MTRR: variants seen among roughly 807,000 people sequenced by gnomAD.
MTRR encodes 5-methyltetrahydrofolate-homocysteine methyltransferase reductase.
In MTRR, 63 loss-of-function variants were observed where a neutral mutation model predicts 79.2. The ratio of observed to expected loss-of-function variants is 0.80; its 90% CI spans 0.65 to 0.98. The LOEUF is 0.98. Ranked by LOEUF, MTRR falls within the 50% of genes least tolerant of loss-of-function variation. MTRR has a pLI of 0.00. For synonymous variants in MTRR, 355 were observed against 313.3 expected (o/e 1.13, Z -1.41); for missense variants, 895 against 839.6 (o/e 1.07, Z -0.82).
chr5:7,851,209 C>A, exon 1 of MTRR: 1 of 562,248 alleles, frequency 1.8e-6, no homozygotes, highest in Non-Finnish European at 2.6e-6. Flanking sequence ...CAGGGTGGAG[C>A]GACCCTCCCC....
intron 8 of MTRR, among the ~76,000 whole-genome samples, chr5:7,887,020 A>G (rs1736602649): frequency 6.6e-6 from 1 of 152,132 alleles, no homozygotes; most frequent in African/African-American, 2.4e-5. Context: ...TTCCACAGTG[A>G]TGGAGGTGAC....
chr5:7,891,974 G>A (rs1007819150), intron 10 of MTRR, among the ~76,000 whole-genome samples: 3 of 152,030 alleles, frequency 2.0e-5, no homozygotes, highest in Admixed American at 6.6e-5. Context: ...CCCGGGAGGC[G>A]GAGCTTGCAG....
rs1025032500 is a variant in MTRR at position 7,873,524 on chromosome 5, T to C, written c.281T>C (p.Leu94Pro). The change falls in exon 3 of 15, where the codon CTG (leucine) becomes CCG (proline). Residue 94 changes from leucine (L) to proline (P), a missense_variant and splice_region_variant. Coordinates refer to ENST00000440940, the MANE Select transcript of MTRR (RefSeq NM_002454.3). ...TTTGCTCACCTGCGGTATGGGTTAC[T>C]GGGTAATGGACTCTCTCTTCTGATC... ...DFFAHLRYGLLGLGDSEYTYF... is the reference protein window; with the variant it reads ...DFFAHLRYGLPGLGDSEYTYF... The C allele has an allele frequency of 1.2e-6, 2 of 1,614,162 alleles. No individual in the cohort carries two copies. Among genetic ancestry groups the C allele is most frequent in the Non-Finnish European group, 1.7e-6 (2 of 1,179,992 alleles).
chr5:7,852,292 G>A (rs1432906707), intron 1 of MTRR, among the ~76,000 whole-genome samples: 1 of 152,170 alleles, frequency 6.6e-6, no homozygotes, highest in Non-Finnish European at 1.5e-5. Context: ...GAGGCACCTG[G>A]TGATCCACTC....
chr5:7,900,372 C>T lies in MTRR; in HGVS notation c.*314C>T, dbSNP rs571861371. 6.3e-6 allele frequency: 2 copies of T among 319,576 alleles called. No homozygotes were observed. The highest frequency in any genetic ancestry group is 4.8e-5 in the Admixed American group (1 of 21,048). 19.8% of individuals were successfully genotyped at this position (319,576 alleles called of 1,614,324 possible). On this transcript the variant is annotated 3_prime_UTR_variant, in exon 15 of 15. Coordinates refer to ENST00000440940, the MANE Select transcript of MTRR (RefSeq NM_002454.3). The stretch of plus-strand genomic sequence containing the variant: ...CTTCCCAGAGAACTTCACAGAGACT[C>T]TGTCCTTCCATGCAAAGGCTTCCTG...
At position 7,895,625 on chromosome 5, in the gene MTRR, T is replaced by C. The variant is rs965193934; in HGVS notation, c.1558-109T>C. 1.3e-5 allele frequency: 19 copies of C among 1,410,684 alleles called. No individual in the cohort carries two copies. In the Middle Eastern group the frequency reaches 8.2e-4, roughly 61 times the overall value. 87.4% of individuals were successfully genotyped at this position (1,410,684 alleles called of 1,614,324 possible). The stretch of plus-strand genomic sequence containing the variant: ...TCTGATGCCACTATTTAGTGATGTT[T>C]CTTTGATGGGAATTTTCCCTTTCTG... On this transcript the variant is annotated intron_variant, in intron 11 of 14. Transcript: ENST00000440940.
chr5:7,876,324 A>T (rs927405690), intron 4 of MTRR, among the ~76,000 whole-genome samples: 2 of 152,038 alleles, frequency 1.3e-5, no homozygotes, highest in Admixed American at 6.5e-5. Context: ...GTACCTTTAT[A>T]TTGAGCTTTT....
chr5:7,863,946 G>T (rs952869398), intron 2 of MTRR, among the ~76,000 whole-genome samples: 1 of 152,180 alleles, frequency 6.6e-6, no homozygotes, highest in Non-Finnish European at 1.5e-5. Flanking sequence ...CGCCTCCTGG[G>T]TTGAGCGATT....
At chr5:7,864,419 T>C (rs16879248), upstream of MTRR, among the ~76,000 whole-genome samples, 6,154 of 152,192 alleles carry the variant, frequency 0.04, 276 homozygotes, top group East Asian at 0.21. Context: ...TCGGAAGTCA[T>C]AAAAGACAGA....
chr5:7,871,271 C>T (rs1747949740), intron 2 of MTRR, among the ~76,000 whole-genome samples: 1 of 152,102 alleles, frequency 6.6e-6, no homozygotes, highest in South Asian at 2.1e-4. Context: ...TCTCAGTGTC[C>T]CACTTTTTTC....
intron 11 of MTRR, 175 bp downstream of exon 11, chr5:7,893,088 T>G: frequency 1.4e-6 from 1 of 696,158 alleles, no homozygotes; most frequent in African/African-American, 1.8e-5. Context: ...CATGTACTCT[T>G]TAACTAGTGT....
chr5:7,874,757 TAGGCTTTGC>T (rs1748592658), intron 3 of MTRR, among the ~76,000 whole-genome samples: 1 of 152,202 alleles, frequency 6.6e-6, no homozygotes, highest in Admixed American at 6.5e-5. Context: ...GTAAATATTT[TAGGCTTTGC>T]AGGCCTACTC....
In MTRR at chr5:7,886,658, G is replaced by A. The variant is rs1211781268; in HGVS notation, c.1101G>A (p.Gln367=). The A allele has an allele frequency of 6.2e-7, 1 of 1,613,886 alleles. No individual in the cohort carries two copies. Among genetic ancestry groups the A allele is most frequent in the Non-Finnish European group, 8.5e-7 (1 of 1,179,932 alleles). Residue 367 remains glutamine (Q), a synonymous_variant, in exon 8 of 15, where the codon CAG becomes CAA. Transcript: ENST00000440940. ...PQHIPAGCSL[Q]FIFTWCLEIR... ...ATATACCTGCGGGATGTTCTCTCCA[G>A]TTCATTTTTACCTGGTGTCTTGAAA...
intron 1 of MTRR, among the ~76,000 whole-genome samples, chr5:7,853,032 C>A (rs140166044): frequency 2.0e-3 from 309 of 152,296 alleles, no homozygotes; most frequent in African/African-American, 7.0e-3. Context: ...TGTCCTAGAC[C>A]AAGAGCTCTT....
chr5:7,858,025 G>GT (rs1247761950), intron 1 of MTRR, among the ~76,000 whole-genome samples: 1 of 152,136 alleles, frequency 6.6e-6, no homozygotes, highest in African/African-American at 2.4e-5. Flanking sequence ...TGTTTAATTG[G>GT]TTAAGTCCCT....
intron 1 of MTRR, among the ~76,000 whole-genome samples, chr5:7,857,681 C>T (rs1034725236): frequency 2.0e-5 from 3 of 152,242 alleles, no homozygotes; most frequent in Admixed American, 6.5e-5. Flanking sequence ...CCACTCCCAT[C>T]GCCTGCTCAC....
intron 5 of MTRR, among the ~76,000 whole-genome samples, chr5:7,881,620 G>C (rs1003383589): frequency 1.3e-5 from 2 of 152,108 alleles, no homozygotes; most frequent in African/African-American, 4.8e-5. Flanking sequence ...TTAGTCCTTG[G>C]CTTTCTCTGC....
upstream of MTRR, chr5:7,868,890 G>C: frequency 1.7e-6 from 1 of 580,626 alleles, no homozygotes; most frequent in Non-Finnish European, 3.1e-6. Flanking sequence ...CTGAGACACG[G>C]GCCGGGCGGC....
chr5:7,860,378 G>A (rs902007685), intron 1 of MTRR, among the ~76,000 whole-genome samples: 1 of 152,180 alleles, frequency 6.6e-6, no homozygotes, highest in African/African-American at 2.4e-5. Flanking sequence ...AATATTAAGT[G>A]TTGGTGAAGC....
Sources: gnomAD v4.1 joint callset for allele counts (sites outside exome capture counted in the v4.1 genomes callset) on GRCh38, gnomAD v4.1.1 for gene constraint, MANE v1.5 for transcripts, NCBI Gene and HGNC (gene_info 2026-07-23, HGNC 2026-07-21) for gene names.